Variants in PEDS1 observed in about 807,000 individuals in gnomAD.
The protein encoded by PEDS1 is CarF homolog.
In PEDS1, 14 loss-of-function variants were observed where a neutral mutation model predicts 35.2. The ratio of observed to expected loss-of-function variants is 0.40; its 90% CI spans 0.26 to 0.62. The LOEUF (loss-of-function observed/expected upper bound fraction) is 0.62, where lower values mean the gene tolerates loss of function less well. PEDS1 is among the 20% of genes least tolerant of loss of function. The probability of loss-of-function intolerance (pLI) is 0.44; values close to 1 mark genes in which losing one functional copy is unlikely to be tolerated. For synonymous variants in PEDS1, 152 were observed against 152.0 expected, an observed-to-expected ratio of 1.00 and a Z score of 0.00; for missense variants, 260 against 367.8, an observed-to-expected ratio of 0.71 and a Z score of 2.40.
Position 50,123,766 on chromosome 20 carries a change from T to G in PEDS1, c.*1292A>C, listed in dbSNP as rs2147263625. ...TTGATTTTCTTCACAAATCACCACCTGAATTTCCATGTGCATTTATTTGTT... is the reference window on the plus strand; with the variant it reads ...TTGATTTTCTTCACAAATCACCACCGGAATTTCCATGTGCATTTATTTGTT... On this transcript the variant is annotated 3_prime_UTR_variant, in exon 6 of 6. Transcript: ENST00000371652. 6.6e-6 allele frequency: 1 copy of G among 152,366 alleles called. No individual in the cohort carries two copies. The highest frequency in any genetic ancestry group is 3.4e-3 in the Middle Eastern group (1 of 294). The allele number at this position is 152,366 out of a possible 1,614,324, so 9.4% of individuals were successfully genotyped here.
intron 1 of PEDS1, among the ~76,000 whole-genome samples, chr20:50,146,553 G>A (rs1331914550): frequency 1.3e-5 from 2 of 152,142 alleles, no homozygotes; most frequent in African/African-American, 4.8e-5. Flanking sequence ...CATTTGTCAT[G>A]ATAGGGAAAC....
chr20:50,144,259 A>G (rs1356609676), intron 1 of PEDS1, among the ~76,000 whole-genome samples: 1 of 152,240 alleles, frequency 6.6e-6, no homozygotes, highest in African/African-American at 2.4e-5. Context: ...GAGACACCTA[A>G]GGGAACTTTA....
At position 50,129,125 on chromosome 20, in the gene PEDS1, T is replaced by C. The variant is rs2081145263; in HGVS notation, c.478+421A>G. ...ACTTTGGGACCAGTCCCTCTAAAAA[T>C]AGGCAGGCCCTGTTTTCACAGCCTA... On this transcript the variant is annotated intron_variant, in intron 4 of 5. Transcript: ENST00000371652. This position sits in a 1 kb window ranked among gnomAD's most constrained non-coding sequence, Gnocchi z 4.2. Among the ~76,000 whole-genome samples, 1 of 152,138 alleles carries C rather than the reference T, an allele frequency of 6.6e-6. No homozygotes were observed.
At position 50,122,835 on chromosome 20, in the gene PEDS1, C is replaced by G. The variant is rs935750227; in HGVS notation, c.*2223G>C. On this transcript the variant is annotated 3_prime_UTR_variant, in exon 6 of 6. Coordinates refer to ENST00000371652, the MANE Select transcript of PEDS1 (RefSeq NM_199129.4). ...ATAATGTCCTGACCCGGTGCAGTGG[C>G]TCATACCTAAAATTCCAGCACTTTG... The G allele has an allele frequency of 2.6e-5, 4 of 151,992 alleles. No individual in the cohort carries two copies. The highest frequency in any genetic ancestry group is 5.9e-5 in the Non-Finnish European group (4 of 68,040). The allele number at this position is 151,992 out of a possible 1,614,324, so 9.4% of individuals were successfully genotyped here.
Position 50,153,506 on chromosome 20 carries a change from A to G in PEDS1, c.121+11T>C, listed in dbSNP as rs904904698. On this transcript the variant is annotated intron_variant, in intron 1 of 5. Transcript: ENST00000371652. ...TGACCGCAGGCCTGGAGGGGGGCCC[A>G]GAGGTCTTACCTGGCGAGTAGAGCG... 1.7e-5 allele frequency: 23 copies of G among 1,373,828 alleles called. No individual in the cohort carries two copies. The Admixed American group carries it at 2.7e-4, about 16-fold the overall frequency. 85.1% of individuals were successfully genotyped at this position (1,373,828 alleles called of 1,614,324 possible).
intron 1 of PEDS1, among the ~76,000 whole-genome samples, chr20:50,145,931 C>T (rs1446044874): frequency 1.3e-5 from 2 of 152,150 alleles, no homozygotes; most frequent in African/African-American, 4.8e-5. Context: ...CCCAAAGCCA[C>T]CCAACTAGTC....
chr20:50,153,035 G>A (rs973808641), intron 1 of PEDS1, among the ~76,000 whole-genome samples: 3 of 152,014 alleles, frequency 2.0e-5, no homozygotes, highest in Non-Finnish European at 4.4e-5. Context: ...CCAGGGCCTG[G>A]GCTAGGGCAC....
Position 50,119,256 on chromosome 20 carries a change from C to T in PEDS1, c.*5802G>A, listed in dbSNP as rs2081031569. 1 of 151,648 alleles carries T rather than the reference C, an allele frequency of 6.6e-6. No homozygotes were observed. Among genetic ancestry groups the T allele is most frequent in the African/African-American group, 2.4e-5 (1 of 41,232 alleles). 9.4% of individuals were successfully genotyped at this position (151,648 alleles called of 1,614,324 possible). Reference sequence around the variant, plus strand: ...GACGAGTCTGGGCAACAAAGCAAGACCCCCGTCTCTAAAAATAATAAAAAA... The same window carrying T: ...GACGAGTCTGGGCAACAAAGCAAGATCCCCGTCTCTAAAAATAATAAAAAA... On this transcript the variant is annotated 3_prime_UTR_variant, in exon 6 of 6. Coordinates refer to ENST00000371652, the MANE Select transcript of PEDS1 (RefSeq NM_199129.4).
At position 50,129,421 on chromosome 20, in the gene PEDS1, G is replaced by A; in HGVS notation, c.478+125C>T. 7 of 1,376,132 alleles carry A rather than the reference G, an allele frequency of 5.1e-6. No homozygotes were observed. The highest frequency in any genetic ancestry group is 6.7e-6 in the Non-Finnish European group (7 of 1,038,798). 85.2% of individuals were successfully genotyped at this position (1,376,132 alleles called of 1,614,324 possible). ...GTCAGGTTTCCTGATTTTACATGAA[G>A]ACAATGAATGAAAACTCTTTTAAAA... is the stretch of plus-strand genomic sequence containing the variant. On this transcript the variant is annotated intron_variant, in intron 4 of 5. Coordinates refer to ENST00000371652, the MANE Select transcript of PEDS1 (RefSeq NM_199129.4). The surrounding 1 kb of genome is among the most constrained non-coding windows in gnomAD (Gnocchi z 4.2).
chr20:50,141,693 TG>T (rs1041025506), intron 2 of PEDS1, among the ~76,000 whole-genome samples: 1 of 152,168 alleles, frequency 6.6e-6, no homozygotes, highest in Non-Finnish European at 1.5e-5. Flanking sequence ...CCCTTGAATA[TG>T]GGGCTTGAGG....
intron 2 of PEDS1, among the ~76,000 whole-genome samples, chr20:50,133,345 G>C (rs2081199071): frequency 1.3e-5 from 2 of 152,184 alleles, no homozygotes; most frequent in South Asian, 2.1e-4. Flanking sequence ...CAAGTTCCTG[G>C]GGATAAGGGC....
At chr20:50,125,842 C>T (rs1406624211) in intron 5 of PEDS1, among the ~76,000 whole-genome samples, 5 of 152,258 alleles carry the variant, frequency 3.3e-5, no homozygotes, top group South Asian at 4.1e-4. Flanking sequence ...CCACCCGCCT[C>T]GGCCTCCCAA....
At chr20:50,144,435 T>G (rs903862949) in intron 1 of PEDS1, among the ~76,000 whole-genome samples, 1 of 152,172 alleles carries the variant, frequency 6.6e-6, no homozygotes, top group African/African-American at 2.4e-5. Context: ...CAGGAATTCA[T>G]GGACAAATAG....
At chr20:50,143,024 T>C (rs1426997983) in intron 2 of PEDS1, among the ~76,000 whole-genome samples, 2 of 151,986 alleles carry the variant, frequency 1.3e-5, no homozygotes, top group Non-Finnish European at 2.9e-5. Flanking sequence ...GCTGCAGATG[T>C]ATGCAGATGA....
chr20:50,133,156 T>C (rs1013948060), intron 2 of PEDS1, among the ~76,000 whole-genome samples: 3 of 152,058 alleles, frequency 2.0e-5, no homozygotes, highest in Non-Finnish European at 1.5e-5. Context: ...AGACTTGTGG[T>C]TGAAGGGACA....
At chr20:50,144,743 G>T (rs1400990450) in intron 1 of PEDS1, among the ~76,000 whole-genome samples, 6 of 152,142 alleles carry the variant, frequency 3.9e-5, no homozygotes, top group Non-Finnish European at 5.9e-5. Context: ...ATAAGTGGAC[G>T]TGGAGAGATG....
chr20:50,151,783 C>T (rs1016896449), intron 1 of PEDS1, among the ~76,000 whole-genome samples: 10 of 152,188 alleles, frequency 6.6e-5, no homozygotes, highest in Middle Eastern at 3.4e-3. Flanking sequence ...GGCGTGAACC[C>T]GGGAGGAGGA....
chr20:50,131,050 A>G lies in PEDS1; in HGVS notation c.242-103T>C, dbSNP rs764011509. 1.9e-6 allele frequency: 3 copies of G among 1,592,088 alleles called. No homozygotes were observed. In the Admixed American group the frequency reaches 5.4e-5, roughly 29 times the overall value. On this transcript the variant is annotated intron_variant, in intron 2 of 5. Coordinates refer to ENST00000371652, the MANE Select transcript of PEDS1 (RefSeq NM_199129.4). ...CGCTCATTCATTTGTTAGGAGGGGA[A>G]GGTGTCCCTTCTTCTCTAGTTGGGA...
At chr20:50,126,711 T>C (rs2081109237) in intron 5 of PEDS1, among the ~76,000 whole-genome samples, 1 of 152,178 alleles carries the variant, frequency 6.6e-6, no homozygotes, top group Admixed American at 6.5e-5. Flanking sequence ...CAGCACCTGA[T>C]ACACTTAACC....
Sources: allele counts gnomAD v4.1 joint callset (sites outside exome capture counted in the v4.1 genomes callset), GRCh38; gene constraint gnomAD v4.1.1; non-coding constraint Gnocchi (gnomAD v3.1); transcripts MANE v1.5; gene names NCBI Gene and HGNC (gene_info 2026-07-23, HGNC 2026-07-21).